The following ZC3H8 variants were observed in gnomAD, a reference collection of about 807,000 sequenced individuals.
ZC3H8 encodes zinc finger CCCH-type containing 8, also known as zinc finger CCCH domain-containing protein 8.
ZC3H8 carries 27 observed loss-of-function variants against 42.5 expected under a neutral mutation model. That is an observed-to-expected ratio of 0.64 (90% CI 0.47 to 0.88). ZC3H8 has a LOEUF of 0.88. Among genes scored for constraint, ZC3H8 ranks in the 40% least tolerant of loss-of-function variants. The pLI, the probability that ZC3H8 is intolerant of heterozygous loss-of-function variation, is 0.00. For synonymous variants in ZC3H8, 101 were observed against 110.1 expected (o/e 0.92, Z 0.52); for missense variants, 277 against 336.1 (o/e 0.82, Z 1.37).
intron 4 of ZC3H8, among the ~76,000 whole-genome samples, chr2:112,234,941 GAGATGCTC>G (rs1367241738): frequency 6.6e-6 from 1 of 152,130 alleles, no homozygotes; most frequent in African/African-American, 2.4e-5. Context: ...TAGTTTCAAT[GAGATGCTC>G]ACTGGGTGTG....
intron 4 of ZC3H8, among the ~76,000 whole-genome samples, chr2:112,235,936 TAA>T (rs11370016): frequency 2.4e-5 from 3 of 122,598 alleles, no homozygotes; most frequent in Admixed American, 8.6e-5. Flanking sequence ...AGTATAACAC[TAA>T]AAAAAAAAAA....
chr2:112,215,800 T>C lies in ZC3H8; in HGVS notation c.*684A>G, dbSNP rs1485204352. On this transcript the variant is annotated 3_prime_UTR_variant, in exon 9 of 9. Coordinates refer to ENST00000409573, the MANE Select transcript of ZC3H8 (RefSeq NM_032494.3). ...AAGTGTATAATCTGACTACAGTTTATAAACCAATGAGAAAGATAAATATTC... is the reference window on the plus strand; with the variant it reads ...AAGTGTATAATCTGACTACAGTTTACAAACCAATGAGAAAGATAAATATTC... The C allele has an allele frequency of 6.6e-6, 1 of 152,186 alleles. No homozygotes were observed. Among genetic ancestry groups the C allele is most frequent in the Non-Finnish European group, 1.5e-5 (1 of 68,022 alleles). 9.4% of individuals were successfully genotyped at this position (152,186 alleles called of 1,614,324 possible).
intron 6 of ZC3H8, 67 bp from the exon 7 acceptor site, chr2:112,232,014 T>A: frequency 2.0e-6 from 2 of 985,306 alleles, no homozygotes; most frequent in Non-Finnish European, 2.9e-6. Flanking sequence ...ACTTAATGAC[T>A]TTATTTTTCC....
At chr2:112,219,689 G>T (rs1434214957) in intron 8 of ZC3H8, among the ~76,000 whole-genome samples, 1 of 151,900 alleles carries the variant, frequency 6.6e-6, no homozygotes, top group Non-Finnish European at 1.5e-5. Context: ...TTTATGCCCG[G>T]GTGTATGGTC....
At chr2:112,225,375 G>A (rs1684775471) in intron 8 of ZC3H8, among the ~76,000 whole-genome samples, 1 of 152,168 alleles carries the variant, frequency 6.6e-6, no homozygotes, top group African/African-American at 2.4e-5. Flanking sequence ...CTACTTGGGA[G>A]GCTTAGGTAG....
chr2:112,235,700 A>G (rs1169508409), intron 4 of ZC3H8, among the ~76,000 whole-genome samples: 1 of 152,136 alleles, frequency 6.6e-6, no homozygotes, highest in Non-Finnish European at 1.5e-5. Context: ...GCTTACATCT[A>G]CAGACCAAGG....
intron 8 of ZC3H8, among the ~76,000 whole-genome samples, chr2:112,225,502 T>C (rs1181802370): frequency 6.6e-6 from 1 of 151,714 alleles, no homozygotes; most frequent in Non-Finnish European, 1.5e-5. Context: ...AGTCAACATA[T>C]TCATAGATTA....
At chr2:112,221,356 T>A (rs181045924) in intron 8 of ZC3H8, among the ~76,000 whole-genome samples, 97 of 152,246 alleles carry the variant, frequency 6.4e-4, no homozygotes, top group African/African-American at 2.2e-3. Flanking sequence ...CCCCACTCTC[T>A]CTCTCTTGCT....
intron 2 of ZC3H8, chr2:112,240,582 C>T (rs1162093651): frequency 6.6e-6 from 1 of 152,144 alleles, no homozygotes; most frequent in Non-Finnish European, 1.5e-5. Flanking sequence ...GAAGCAGACT[C>T]CTTTTACGAC....
At position 112,230,902 on chromosome 2, in the gene ZC3H8, C is replaced by T; in HGVS notation, c.*15+1G>A. 4 of 1,291,160 alleles carry T rather than the reference C, an allele frequency of 3.1e-6. No homozygotes were observed. Among genetic ancestry groups the T allele is most frequent in the Non-Finnish European group, 4.0e-6 (4 of 988,246 alleles). 80.0% of individuals were successfully genotyped at this position (1,291,160 alleles called of 1,614,324 possible). A position where few individuals can be genotyped will look rare whatever the true frequency, so the allele number is the denominator to read the frequency against. ...AGAAATGTGGTAAATTCTAATTTTA[C>T]CTTTTTATGTCTATTTTATTTACAT... On this transcript the variant is annotated splice_donor_variant, in intron 8 of 8. Transcript: ENST00000409573. LOFTEE classifies it low-confidence loss of function (3UTR_SPLICE).
At chr2:112,244,118 C>T (rs1685679107) in intron 2 of ZC3H8, among the ~76,000 whole-genome samples, 1 of 151,794 alleles carries the variant, frequency 6.6e-6, no homozygotes, top group Admixed American at 6.6e-5. Context: ...AAAAGATTCA[C>T]AATCGCATAG....
chr2:112,236,299 T>C (rs1381292835), intron 4 of ZC3H8, among the ~76,000 whole-genome samples: 1 of 152,090 alleles, frequency 6.6e-6, no homozygotes, highest in African/African-American at 2.4e-5. Flanking sequence ...AAGGAGCTTG[T>C]GTGCATATAT....
At chr2:112,219,041 A>C (rs1684466248) in intron 8 of ZC3H8, among the ~76,000 whole-genome samples, 1 of 152,246 alleles carries the variant, frequency 6.6e-6, no homozygotes, top group Non-Finnish European at 1.5e-5. Flanking sequence ...CAATCTATGT[A>C]TTCAATGCAA....
chr2:112,254,700 C>T (rs1686065418), intron 1 of ZC3H8, among the ~76,000 whole-genome samples: 1 of 152,248 alleles, frequency 6.6e-6, no homozygotes. Context: ...CGGCCTAAGC[C>T]TGAGCCCCGC....
intron 1 of ZC3H8, among the ~76,000 whole-genome samples, chr2:112,253,028 G>C (rs1686008245): frequency 6.6e-6 from 1 of 152,028 alleles, no homozygotes; most frequent in South Asian, 2.1e-4. Context: ...CAGCTACTCG[G>C]GAGGCTGAGG....
At chr2:112,225,343 T>C (rs1684773409) in intron 8 of ZC3H8, among the ~76,000 whole-genome samples, 1 of 152,164 alleles carries the variant, frequency 6.6e-6, no homozygotes, top group African/African-American at 2.4e-5. Flanking sequence ...CCAGGTGTGG[T>C]AGCACACACC....
intron 4 of ZC3H8, among the ~76,000 whole-genome samples, chr2:112,234,923 G>A (rs1359449219): frequency 6.6e-6 from 1 of 152,022 alleles, no homozygotes; most frequent in Non-Finnish European, 1.5e-5. Flanking sequence ...CAAAAGCAGT[G>A]GAATCTATAG....
At chr2:112,216,905 A>G (rs1043753901) in intron 8 of ZC3H8, among the ~76,000 whole-genome samples, 2 of 152,170 alleles carry the variant, frequency 1.3e-5, no homozygotes, top group African/African-American at 4.8e-5. Context: ...TAGAGAAAGA[A>G]ACACAGTAAC....
intron 8 of ZC3H8, among the ~76,000 whole-genome samples, chr2:112,221,296 T>C (rs1384756586): frequency 1.3e-5 from 2 of 152,156 alleles, no homozygotes; most frequent in African/African-American, 4.8e-5. Context: ...GTCCTAGTGA[T>C]AGTGAGTGAA....
Sources: allele counts gnomAD v4.1 joint callset (sites outside exome capture counted in the v4.1 genomes callset), GRCh38; gene constraint gnomAD v4.1.1; transcripts MANE v1.5; gene names NCBI Gene and HGNC (gene_info 2026-07-23, HGNC 2026-07-21).